The following CRPPA variants were observed in gnomAD, a reference collection of about 807,000 sequenced individuals.
CRPPA encodes D-ribitol-5-phosphate cytidylyltransferase.
A neutral mutation model predicts 52.0 loss-of-function variants in CRPPA; 43 were observed. The ratio of observed to expected loss-of-function variants is 0.83; its 90% CI spans 0.65 to 1.07. CRPPA has a LOEUF of 1.07. CRPPA is among the 50% of genes least tolerant of loss of function. The pLI, the probability that CRPPA is intolerant of heterozygous loss-of-function variation, is 0.00. For missense variants in CRPPA, 629 were observed against 551.7 expected (o/e 1.14, Z -1.40); for synonymous variants, 250 against 203.5 (o/e 1.23, Z -1.94).
chr7:16,375,402 A>T (rs781194992), intron 3 of CRPPA, among the ~76,000 whole-genome samples: 2 of 152,232 alleles, frequency 1.3e-5, no homozygotes, highest in African/African-American at 4.8e-5. Context: ...CAATAAAATT[A>T]TGTAAGTACA....
At chr7:16,303,493 A>AAAAAAAAACAAAAAAAAAAAAC (rs1784838189) in intron 4 of CRPPA, among the ~76,000 whole-genome samples, 1 of 147,172 alleles carries the variant, frequency 6.8e-6, no homozygotes, top group African/African-American at 2.6e-5. Context: ...AAAAAAAAAA[A>AAAAAAAAACAAAAAAAAAAAAC]AAAAAAAAAA....
intron 9 of CRPPA, among the ~76,000 whole-genome samples, chr7:16,183,615 ACT>A (rs1335490563): frequency 6.6e-6 from 1 of 151,972 alleles, no homozygotes; most frequent in African/African-American, 2.4e-5. Flanking sequence ...GTCCTTCTAG[ACT>A]CTGGACACTC....
intron 9 of CRPPA, among the ~76,000 whole-genome samples, chr7:16,166,392 G>A (rs986421180): frequency 9.2e-5 from 14 of 151,866 alleles, no homozygotes; most frequent in Admixed American, 1.3e-4. Context: ...CGATTCTCCT[G>A]CCTCAGCCTC....
At chr7:16,187,663 G>A (rs904989967) in intron 9 of CRPPA, among the ~76,000 whole-genome samples, 11 of 152,210 alleles carry the variant, frequency 7.2e-5, no homozygotes, top group South Asian at 2.1e-4. Flanking sequence ...GAAAAACATC[G>A]AAGGCTTCAT....
intron 9 of CRPPA, among the ~76,000 whole-genome samples, chr7:16,099,298 A>T (rs112299699): frequency 4.0e-5 from 6 of 150,940 alleles, no homozygotes; most frequent in Admixed American, 1.3e-4. Context: ...AAGGAAAGAA[A>T]AAAAGGAAAG....
chr7:16,346,433 G>A (rs1449850364), intron 3 of CRPPA, among the ~76,000 whole-genome samples: 2 of 152,014 alleles, frequency 1.3e-5, no homozygotes, highest in African/African-American at 2.4e-5. Flanking sequence ...AAAAAGATGC[G>A]GTCAGTCAGG....
At chr7:16,304,612 G>C (rs1251109676) in intron 4 of CRPPA, among the ~76,000 whole-genome samples, 2 of 152,098 alleles carry the variant, frequency 1.3e-5, no homozygotes, top group East Asian at 1.9e-4. Flanking sequence ...CTGCACTCCA[G>C]CCTGGGTGAC....
chr7:16,157,704 C>T (rs1284559766), intron 9 of CRPPA, among the ~76,000 whole-genome samples: 1 of 152,022 alleles, frequency 6.6e-6, no homozygotes, highest in Non-Finnish European at 1.5e-5. Flanking sequence ...CAAATAGGTC[C>T]TACTGACTGG....
chr7:16,101,610 G>A (rs1341400397), intron 9 of CRPPA, among the ~76,000 whole-genome samples: 1 of 151,680 alleles, frequency 6.6e-6, no homozygotes, highest in African/African-American at 2.4e-5. Context: ...ACAGCTCCTG[G>A]ATTGAGCAAA....
chr7:16,388,008 G>A (rs917968319), intron 2 of CRPPA, among the ~76,000 whole-genome samples: 1 of 152,172 alleles, frequency 6.6e-6, no homozygotes, highest in Admixed American at 6.5e-5. Flanking sequence ...GGGGAGGCAA[G>A]GTCTTGCTCT....
intron 3 of CRPPA, among the ~76,000 whole-genome samples, chr7:16,372,792 T>TA (rs1159300062): frequency 6.6e-6 from 1 of 152,146 alleles, no homozygotes; most frequent in Non-Finnish European, 1.5e-5. Context: ...TCAGGAGACT[T>TA]ACCTAACACA....
intron 9 of CRPPA, among the ~76,000 whole-genome samples, chr7:16,189,307 T>A (rs573319724): frequency 6.6e-6 from 1 of 152,108 alleles, no homozygotes; most frequent in South Asian, 2.1e-4. Flanking sequence ...CAGAACTGGG[T>A]TGGGCACAGC....
intron 8 of CRPPA, among the ~76,000 whole-genome samples, chr7:16,228,930 C>T (rs1176700877): frequency 2.6e-5 from 4 of 151,950 alleles, no homozygotes; most frequent in Non-Finnish European, 4.4e-5. Context: ...CAGTTTTTCT[C>T]TCCCTTCAGA....
intron 3 of CRPPA, among the ~76,000 whole-genome samples, chr7:16,345,026 A>G (rs550602998): frequency 2.0e-5 from 3 of 152,308 alleles, no homozygotes; most frequent in Non-Finnish European, 4.4e-5. Flanking sequence ...AGCAGGATAA[A>G]TACAATCAGG....
intron 9 of CRPPA, among the ~76,000 whole-genome samples, chr7:16,120,107 T>C (rs937429116): frequency 6.6e-6 from 1 of 152,138 alleles, no homozygotes; most frequent in Non-Finnish European, 1.5e-5. Context: ...AAGAAGAAAA[T>C]GGTACCTTGT....
intron 9 of CRPPA, among the ~76,000 whole-genome samples, chr7:16,108,199 A>G (rs936067854): frequency 2.0e-5 from 3 of 152,056 alleles, no homozygotes; most frequent in Non-Finnish European, 2.9e-5. Flanking sequence ...AATGTGTAAT[A>G]AAACAAGATC....
At chr7:16,219,887 C>T (rs1334639280) in intron 8 of CRPPA, among the ~76,000 whole-genome samples, 4 of 149,878 alleles carry the variant, frequency 2.7e-5, no homozygotes, top group Admixed American at 6.7e-5. Flanking sequence ...GGTACCATTC[C>T]TTCTGAAACT....
chr7:16,237,850 T>C (rs188519839), intron 8 of CRPPA, among the ~76,000 whole-genome samples: 73 of 152,368 alleles, frequency 4.8e-4, no homozygotes, highest in Admixed American at 3.2e-3. Context: ...AACCACTCTA[T>C]GTGCTTCTTT....
chr7:16,345,050 G>A (rs1262225444), intron 3 of CRPPA, among the ~76,000 whole-genome samples: 3 of 152,080 alleles, frequency 2.0e-5, no homozygotes, highest in Non-Finnish European at 2.9e-5. Context: ...GCATATAAAT[G>A]CATAAAAATC....
Sources: gnomAD v4.1 joint callset for allele counts (sites outside exome capture counted in the v4.1 genomes callset) on GRCh38, gnomAD v4.1.1 for gene constraint, MANE v1.5 for transcripts, NCBI Gene and HGNC (gene_info 2026-07-23, HGNC 2026-07-21) for gene names.